The following OR56A3 variants were observed in gnomAD, a reference collection of about 807,000 sequenced individuals.
OR56A3 encodes the protein olfactory receptor family 56 subfamily A member 3.
OR56A3 carries 23 observed loss-of-function variants against 17.5 expected under a neutral mutation model. The ratio of observed to expected loss-of-function variants is 1.32; its 90% confidence interval spans 0.95 to 1.87. The LOEUF (loss-of-function observed/expected upper bound fraction) is 1.87. Among genes scored for constraint, OR56A3 ranks in the 40% most tolerant of loss-of-function variants. The probability of loss-of-function intolerance (pLI) is 0.00; values close to 1 mark genes in which losing one functional copy is unlikely to be tolerated. For synonymous variants in OR56A3, 175 were observed against 150.6 expected (o/e 1.16, Z -1.19); for missense variants, 366 against 380.1 (o/e 0.96, Z 0.31).
chr11:5,956,938 C>T, the OR56A3 span, among the ~76,000 whole-genome samples: 1 of 152,136 alleles, frequency 6.6e-6, no homozygotes, highest in East Asian at 1.9e-4. Context: ...AGGCAATTCC[C>T]TGAGGTCAGG....
chr11:6,006,638 C>T, the OR56A3 span, among the ~76,000 whole-genome samples: 3 of 152,148 alleles, frequency 2.0e-5, no homozygotes, highest in African/African-American at 7.2e-5. Flanking sequence ...AGGCACAGAG[C>T]CTTGACCTCA....
chr11:5,946,470 A>T (rs561011067), intron 2 of OR56A3, among the ~76,000 whole-genome samples: 4 of 152,232 alleles, frequency 2.6e-5, no homozygotes, highest in Non-Finnish European at 5.9e-5. Context: ...TGGCTATATC[A>T]TTACAGTCAA....
chr11:6,011,084 C>T, the OR56A3 span, among the ~76,000 whole-genome samples: 4 of 151,946 alleles, frequency 2.6e-5, no homozygotes, highest in Non-Finnish European at 5.9e-5. Context: ...AATAAATGCT[C>T]CTATCACAGC....
At chr11:6,005,589 A>T in the OR56A3 span, among the ~76,000 whole-genome samples, 1 of 152,224 alleles carries the variant, frequency 6.6e-6, no homozygotes, top group Non-Finnish European at 1.5e-5. Flanking sequence ...TTAACCGCTA[A>T]AACAAAATGC....
the OR56A3 span, among the ~76,000 whole-genome samples, chr11:6,004,295 A>G: frequency 6.6e-6 from 1 of 152,142 alleles, no homozygotes; most frequent in African/African-American, 2.4e-5. Flanking sequence ...CGGAGGTTGC[A>G]GTGAGCCGAG....
chr11:5,995,100 C>T, the OR56A3 span: 1 of 592,564 alleles, frequency 1.7e-6, no homozygotes, highest in East Asian at 3.0e-5. Context: ...AGCTGGGCGG[C>T]TGGACGCAGC....
rs1435613821 is a variant in OR56A3, at chr11:5,951,183, A to C, written c.*2889A>C. On this transcript the variant is annotated 3_prime_UTR_variant, in exon 3 of 3. Coordinates refer to ENST00000641160, the MANE Select transcript of OR56A3 (RefSeq NM_001003443.3). ...TCCCACAGTGACAGACTTGAAGAAG[A>C]GTTAAACTTAAGATCCTAAGGAAGA... The C allele has an allele frequency of 6.6e-6, 1 of 152,124 alleles. No individual in the cohort carries two copies. The highest frequency in any genetic ancestry group is 1.5e-5 in the Non-Finnish European group (1 of 68,000). 9.4% of individuals were successfully genotyped at this position (152,124 alleles called of 1,614,324 possible).
At chr11:5,953,855 G>T (rs1847920070), downstream of OR56A3, among the ~76,000 whole-genome samples, 1 of 151,986 alleles carries the variant, frequency 6.6e-6, no homozygotes, top group African/African-American at 2.4e-5. Flanking sequence ...TAATCCAGAT[G>T]GTGTTTATTA....
At chr11:5,985,901 A>C in the OR56A3 span, 1 of 1,536,318 alleles carries the variant, frequency 6.5e-7, no homozygotes, top group South Asian at 1.3e-5. Flanking sequence ...TGTGGTCCGC[A>C]GAAGAAGCCT....
chr11:5,981,404 A>G, the OR56A3 span, among the ~76,000 whole-genome samples: 1 of 152,200 alleles, frequency 6.6e-6, no homozygotes, highest in Non-Finnish European at 1.5e-5. Context: ...AATTGATTCA[A>G]ACAGTAATCT....
chr11:5,986,587 C>T, the OR56A3 span: 2 of 1,613,960 alleles, frequency 1.2e-6, no homozygotes, highest in Non-Finnish European at 1.7e-6. Flanking sequence ...CTGGATCAGG[C>T]AGACGATGTA....
the OR56A3 span, chr11:5,967,652 G>A: frequency 6.2e-7 from 1 of 1,614,002 alleles, no homozygotes; most frequent in East Asian, 2.2e-5. Flanking sequence ...GGTGGTGCAG[G>A]ATGTTGAGCA....
chr11:6,008,079 C>T, the OR56A3 span, among the ~76,000 whole-genome samples: 514 of 152,298 alleles, frequency 3.4e-3, 3 homozygotes, highest in African/African-American at 8.9e-3. Context: ...GTCACCAGAA[C>T]AGTCACCACT....
At position 5,947,415 on chromosome 11, in the gene OR56A3, A is replaced by G. The variant is rs745541293; in HGVS notation, c.69A>G (p.Arg23=). 48 of 1,613,970 alleles carry G rather than the reference A, an allele frequency of 3.0e-5. 1 individual carries two copies. The highest frequency in any genetic ancestry group is 1.6e-5 in the Non-Finnish European group (19 of 1,179,968). Residue 23 remains arginine (R), a synonymous_variant, in exon 3 of 3, where the codon AGA becomes AGG. Transcript: ENST00000641160. The stretch of plus-strand genomic sequence containing the variant: ...ACTTCCTCTTGAATTGTTTTGTCAG[A>G]TCCCCCAGCTGGCAGCACTGGCTGT... ...ASDFLLNCFV[R]SPSWQHWLSL...
the OR56A3 span, chr11:6,021,384 T>A: frequency 6.6e-6 from 1 of 152,062 alleles, no homozygotes; most frequent in Non-Finnish European, 1.5e-5. Flanking sequence ...TTCAAATAGC[T>A]AGAAGAAAGA....
chr11:5,978,453 TA>T, the OR56A3 span, among the ~76,000 whole-genome samples: 4 of 152,174 alleles, frequency 2.6e-5, no homozygotes, highest in African/African-American at 9.6e-5. Flanking sequence ...CTAGGTTTTT[TA>T]TTTTTTTATT....
the OR56A3 span, among the ~76,000 whole-genome samples, chr11:5,979,965 ATTGT>A: frequency 6.6e-6 from 1 of 152,056 alleles, no homozygotes; most frequent in East Asian, 1.9e-4. Context: ...TCAGGAACAG[ATTGT>A]TTAATTTCCA....
chr11:5,973,390 T>C, the OR56A3 span, among the ~76,000 whole-genome samples: 1 of 152,232 alleles, frequency 6.6e-6, no homozygotes, highest in Admixed American at 6.5e-5. Context: ...TCCTGTTAAT[T>C]TTGTTCCCTA....
At chr11:5,967,782 G>A in the OR56A3 span, 2 of 1,588,122 alleles carry the variant, frequency 1.3e-6, no homozygotes, top group South Asian at 2.3e-5. Context: ...TAGAGCTTTG[G>A]CCATATCTCC....
Sources: allele counts gnomAD v4.1 joint callset (sites outside exome capture counted in the v4.1 genomes callset), GRCh38; gene constraint gnomAD v4.1.1; transcripts MANE v1.5; gene names NCBI Gene and HGNC (gene_info 2026-07-23, HGNC 2026-07-21).